Variants in MED26 observed in about 807,000 individuals in gnomAD.
MED26 encodes mediator of RNA polymerase II transcription subunit 26.
MED26 carries 7 observed loss-of-function variants against 43.7 expected under a neutral mutation model. That is an observed-to-expected ratio of 0.16 (90% confidence interval 0.09 to 0.30). The LOEUF is 0.30. MED26 is among the 10% of genes least tolerant of loss of function. MED26 has a pLI of 1.00. For missense variants in MED26, 784 were observed against 840.6 expected (o/e 0.93, Z 0.83); for synonymous variants, 375 against 371.1 (o/e 1.01, Z -0.12).
rs538938798 is a variant in MED26 at position 16,592,553 on chromosome 19, C to T, written c.73-14144G>A. ...TGTTAGCAAATCACGCCACACATGTCCCTTCCAAACAAAGTTCAGCAGCAG... is the reference window on the plus strand; with the variant it reads ...TGTTAGCAAATCACGCCACACATGTTCCTTCCAAACAAAGTTCAGCAGCAG... On this transcript the variant is annotated intron_variant, in intron 1 of 2. Coordinates refer to ENST00000263390, the MANE Select transcript of MED26 (RefSeq NM_004831.5). 5.3e-5 allele frequency among the ~76,000 whole-genome samples: 8 copies of T among 152,334 alleles called. 1 individual carries two copies. The South Asian group carries it at 1.7e-3, about 32-fold the overall frequency.
At chr19:16,617,867 CAA>C (rs1365520104) in intron 1 of MED26, among the ~76,000 whole-genome samples, 4 of 152,174 alleles carry the variant, frequency 2.6e-5, no homozygotes, top group African/African-American at 9.7e-5. Context: ...TACCCATTCA[CAA>C]AACTTTCCCT....
At chr19:16,625,760 G>A (rs1427567813) in intron 1 of MED26, among the ~76,000 whole-genome samples, 1 of 152,096 alleles carries the variant, frequency 6.6e-6, no homozygotes, top group Admixed American at 6.6e-5. Flanking sequence ...CCTGTCCACC[G>A]CGGCTCTGTG....
intron 1 of MED26, among the ~76,000 whole-genome samples, chr19:16,580,424 A>G (rs1599331156): frequency 1.3e-5 from 2 of 151,572 alleles, no homozygotes; most frequent in Middle Eastern, 3.4e-3. Flanking sequence ...GCTGGAGTGC[A>G]ATGGCACGAT....
At chr19:16,589,015 G>C (rs942553679) in intron 1 of MED26, 2 of 152,546 alleles carry the variant, frequency 1.3e-5, no homozygotes, top group African/African-American at 4.8e-5. Flanking sequence ...CCAAGGTCAA[G>C]AACAGAAGCA....
At chr19:16,603,352 G>A (rs1219303315) in intron 1 of MED26, among the ~76,000 whole-genome samples, 1 of 152,172 alleles carries the variant, frequency 6.6e-6, no homozygotes, top group African/African-American at 2.4e-5. Context: ...AAGGCCCATA[G>A]TCAAGTGCCA....
intron 1 of MED26, among the ~76,000 whole-genome samples, chr19:16,592,685 G>A (rs963473824): frequency 7.2e-5 from 11 of 152,106 alleles, no homozygotes; most frequent in South Asian, 2.1e-4. Flanking sequence ...TGGTCAAAAC[G>A]GCACCCCCTT....
chr19:16,577,142 T>C lies in MED26; in HGVS notation c.688A>G (p.Thr230Ala), dbSNP rs2086011506. 6.2e-7 allele frequency: 1 copy of C among 1,613,206 alleles called. No individual in the cohort carries two copies. Among genetic ancestry groups the C allele is most frequent in the South Asian group, 1.1e-5 (1 of 91,088 alleles). The change falls in exon 3 of 3, where the codon ACC becomes GCC. Residue 230 changes from threonine (T) to alanine (A), a missense_variant. Around this residue, in one of 3 missense-constraint regions of MED26, gnomAD observed 719 missense variants for 730.9 expected, o/e 0.98. Transcript: ENST00000263390. The surrounding 1 kb of genome is among the most constrained non-coding windows in gnomAD (Gnocchi z 8.1). ...GGCTTGCCCAGGCCCGGGGAGCTGG[T>C]GTGCGGTCGCACGGCGTTGACGGGG... ...KIPVNAVRPH[T>A]SSPGLGKPPG...
At chr19:16,619,607 T>C (rs1200932693) in intron 1 of MED26, among the ~76,000 whole-genome samples, 1 of 151,806 alleles carries the variant, frequency 6.6e-6, no homozygotes, top group Non-Finnish European at 1.5e-5. Flanking sequence ...AAGCAGGCAG[T>C]GGGGCTGCCA....
At position 16,575,252 on chromosome 19, in the gene MED26, A is replaced by G. The variant is rs1193336404; in HGVS notation, c.*775T>C. 6.6e-6 allele frequency: 1 copy of G among 152,632 alleles called. No homozygotes were observed. 9.5% of individuals were successfully genotyped at this position (152,632 alleles called of 1,614,324 possible). A position where few individuals can be genotyped will look rare whatever the true frequency, so the allele number is the denominator to read the frequency against. On this transcript the variant is annotated 3_prime_UTR_variant, in exon 3 of 3. Transcript: ENST00000263390. ...GTTTTCTAGATGTGTACAGGAAGGG[A>G]AAAAAGAAAAGGGAGGAAGAAAGGA... is the stretch of plus-strand genomic sequence containing the variant.
At chr19:16,609,102 GC>G (rs2086186963) in intron 1 of MED26, among the ~76,000 whole-genome samples, 1 of 151,932 alleles carries the variant, frequency 6.6e-6, no homozygotes, top group Non-Finnish European at 1.5e-5. Flanking sequence ...GTCACTTGAG[GC>G]CAGGAGTTCA....
chr19:16,609,336 A>AAAG (rs765489188), intron 1 of MED26, among the ~76,000 whole-genome samples: 1 of 142,266 alleles, frequency 7.0e-6, no homozygotes, highest in African/African-American at 2.5e-5. Context: ...AAAAAAAAAA[A>AAAG]AGAGAGAGAA....
In MED26 at chr19:16,576,083, C is replaced by T. The variant is rs772298744; in HGVS notation, c.1747G>A (p.Asp583Asn). Residue 583 changes from aspartate to asparagine, a missense_variant, in exon 3 of 3, where the codon GAT (aspartate) becomes AAT (asparagine). By Grantham distance (23) the Asp-to-Asn change is conservative. Coordinates refer to ENST00000263390, the MANE Select transcript of MED26 (RefSeq NM_004831.5). The surrounding 1 kb of genome is among the most constrained non-coding windows in gnomAD (Gnocchi z 6.8). Reference protein sequence around the residue: ...WYDWTQCISLDPHGDDGRLNI... With the variant: ...WYDWTQCISLNPHGDDGRLNI... ...AAGCGCCCGTCGTCGCCGTGCGGAT[C>T]GAGCGATATGCACTGCGTCCAGTCA... 17 of 1,613,742 alleles carry T rather than the reference C, an allele frequency of 1.1e-5. No individual in the cohort carries two copies. The highest frequency in any genetic ancestry group is 5.0e-5 in the Admixed American group (3 of 60,000).
At chr19:16,602,131 T>C (rs1047084819) in intron 1 of MED26, among the ~76,000 whole-genome samples, 1 of 152,222 alleles carries the variant, frequency 6.6e-6, no homozygotes, top group East Asian at 1.9e-4. Context: ...GGTTCATTCA[T>C]TCCCTATGGA....
chr19:16,625,415 G>A (rs60173807), intron 1 of MED26, among the ~76,000 whole-genome samples: 194 of 152,292 alleles, frequency 1.3e-3, no homozygotes, highest in African/African-American at 4.5e-3. Context: ...CACCGATTTT[G>A]CAAGCAATAG....
intron 1 of MED26, among the ~76,000 whole-genome samples, chr19:16,591,925 TA>T (rs1387717889): frequency 6.6e-6 from 1 of 152,170 alleles, no homozygotes; most frequent in Non-Finnish European, 1.5e-5. Flanking sequence ...AAGTGTGGCC[TA>T]GGGGTCAACA....
In MED26 at chr19:16,585,710, G is replaced by A. The variant is rs571425001; in HGVS notation, c.73-7301C>T. On this transcript the variant is annotated intron_variant, in intron 1 of 2. Transcript: ENST00000263390. ...GACACCTCTGACCCCTCCGGAGTCC[G>A]GAAGACTAGACTCTTCTGAAAACCC... Among the ~76,000 whole-genome samples the A allele has an allele frequency of 1.9e-4, 29 of 152,312 alleles. 2 individuals carry two copies. The highest frequency in any genetic ancestry group is 6.3e-4 in the African/African-American group (26 of 41,566).
chr19:16,593,705 C>T (rs1468574129), intron 1 of MED26, among the ~76,000 whole-genome samples: 1 of 152,112 alleles, frequency 6.6e-6, no homozygotes, highest in Admixed American at 6.5e-5. Context: ...CTGGCCATCC[C>T]AGAGGATCAT....
intron 1 of MED26, among the ~76,000 whole-genome samples, chr19:16,600,214 G>A (rs903716386): frequency 3.3e-5 from 5 of 150,890 alleles, no homozygotes; most frequent in Non-Finnish European, 7.4e-5. Context: ...CTCCTGCTCC[G>A]CACAGCCTTG....
chr19:16,602,719 A>G (rs2086155496), intron 1 of MED26, among the ~76,000 whole-genome samples: 1 of 152,256 alleles, frequency 6.6e-6, no homozygotes, highest in South Asian at 2.1e-4. Flanking sequence ...GACTGAAGAC[A>G]TTATGCTGAG....
Sources: allele counts gnomAD v4.1 joint callset (sites outside exome capture counted in the v4.1 genomes callset), GRCh38; gene constraint gnomAD v4.1.1; regional missense constraint gnomAD v4.1.1; non-coding constraint Gnocchi (gnomAD v3.1); transcripts MANE v1.5; gene names NCBI Gene and HGNC (gene_info 2026-07-23, HGNC 2026-07-21).